The following VPS41 variants were observed in gnomAD, a reference collection of about 807,000 sequenced individuals.
VPS41 encodes vacuolar protein sorting-associated protein 41 homolog.
VPS41 carries 85 observed loss-of-function variants against 130.9 expected under a neutral mutation model. The ratio of observed to expected loss-of-function variants is 0.65; its 90% CI spans 0.55 to 0.78. The LOEUF (loss-of-function observed/expected upper bound fraction) is 0.78. VPS41 is among the 30% of genes least tolerant of loss of function. The probability of loss-of-function intolerance (pLI) is 0.00; values close to 1 mark genes in which losing one functional copy is unlikely to be tolerated. For synonymous variants in VPS41, 335 were observed against 332.9 expected, an observed-to-expected ratio of 1.01 and a Z score of -0.07; for missense variants, 874 against 1,018.7, an observed-to-expected ratio of 0.86 and a Z score of 1.93.
intron 15 of VPS41, among the ~76,000 whole-genome samples, chr7:38,766,007 C>G (rs1166312599): frequency 6.6e-6 from 1 of 152,152 alleles, no homozygotes; most frequent in Non-Finnish European, 1.5e-5. Flanking sequence ...CCTTTCTTGC[C>G]TTGAAGAAAA....
intron 17 of VPS41, among the ~76,000 whole-genome samples, chr7:38,759,437 G>C (rs140499920): frequency 1.3e-5 from 2 of 152,240 alleles, no homozygotes; most frequent in East Asian, 3.9e-4. Flanking sequence ...ATCCCTAAAA[G>C]TATTCACTTT....
intron 9 of VPS41, among the ~76,000 whole-genome samples, chr7:38,795,047 T>C (rs979133944): frequency 6.6e-6 from 1 of 152,186 alleles, no homozygotes; most frequent in African/African-American, 2.4e-5. Context: ...GATGATTTAA[T>C]TTTAACCTTC....
rs935358375 is a variant in VPS41 at position 38,803,233 on chromosome 7, G to A, written c.451-6369C>T. On this transcript the variant is annotated intron_variant, in intron 7 of 28. Transcript: ENST00000310301. ...AAGTCCCCGATTCTGGTCACCTAAC[G>A]CCCATCATTACTTGTCACTCACTCT... Among the ~76,000 whole-genome samples the A allele has an allele frequency of 3.9e-5, 6 of 152,116 alleles. No homozygotes were observed. In the East Asian group the frequency reaches 5.8e-4, roughly 15 times the overall value.
intron 24 of VPS41, among the ~76,000 whole-genome samples, chr7:38,743,118 C>T (rs899810983): frequency 1.3e-5 from 2 of 152,030 alleles, no homozygotes; most frequent in African/African-American, 2.4e-5. Flanking sequence ...GACATTTATT[C>T]AATTTGCTTG....
chr7:38,745,186 A>G (rs1362982564), intron 23 of VPS41, among the ~76,000 whole-genome samples: 9 of 152,176 alleles, frequency 5.9e-5, no homozygotes, highest in Admixed American at 5.9e-4. Context: ...TCCTCTAGTT[A>G]TTTAGGGTGT....
At chr7:38,896,855 T>C (rs1186388956) in intron 2 of VPS41, among the ~76,000 whole-genome samples, 1 of 152,178 alleles carries the variant, frequency 6.6e-6, no homozygotes, top group Admixed American at 6.5e-5. Context: ...AAAGGAAAAA[T>C]GTAATTCTTC....
chr7:38,769,846 A>G (rs1052321608), intron 14 of VPS41, among the ~76,000 whole-genome samples: 4 of 152,150 alleles, frequency 2.6e-5, no homozygotes, highest in Non-Finnish European at 4.4e-5. Context: ...CCCCATCTCC[A>G]TCAGAGAATC....
In VPS41 at chr7:38,796,826, C is replaced by T; in HGVS notation, c.489G>A (p.Lys163=). ...LFERSWMNRW[K]SAVLHEGEGN... ...CTTCCCCTTCATGCAGAACAGCAGA[C>T]TTCCATCTGTTCATCCAAGACCGTT... The change falls in exon 8 of 29, where the codon AAG becomes AAA. Residue 163 remains lysine, a synonymous_variant. Coordinates refer to ENST00000310301, the MANE Select transcript of VPS41 (RefSeq NM_014396.4). 6.2e-7 allele frequency: 1 copy of T among 1,614,026 alleles called. No homozygotes were observed. The highest frequency in any genetic ancestry group is 8.5e-7 in the Non-Finnish European group (1 of 1,179,884).
intron 4 of VPS41, among the ~76,000 whole-genome samples, chr7:38,838,354 T>C (rs1457183728): frequency 1.3e-5 from 2 of 152,160 alleles, no homozygotes; most frequent in Non-Finnish European, 2.9e-5. Context: ...CCTTTTACCA[T>C]AACAGCAATG....
intron 7 of VPS41, among the ~76,000 whole-genome samples, chr7:38,812,208 A>G (rs888560795): frequency 3.3e-5 from 5 of 152,130 alleles, no homozygotes; most frequent in African/African-American, 1.2e-4. Flanking sequence ...AAAGATAGCT[A>G]TATAGATTGG....
At chr7:38,788,578 T>C (rs1394039081) in intron 10 of VPS41, among the ~76,000 whole-genome samples, 1 of 152,210 alleles carries the variant, frequency 6.6e-6, no homozygotes, top group Non-Finnish European at 1.5e-5. Flanking sequence ...GACATTGCAT[T>C]GAGATGTTGA....
At chr7:38,826,337 C>T (rs1049989415) in intron 5 of VPS41, among the ~76,000 whole-genome samples, 6 of 152,180 alleles carry the variant, frequency 3.9e-5, no homozygotes, top group Admixed American at 6.5e-5. Flanking sequence ...CAAACAAAAA[C>T]ATAGCCAAGG....
intron 3 of VPS41, among the ~76,000 whole-genome samples, chr7:38,864,738 C>T (rs1786190910): frequency 6.6e-6 from 1 of 151,508 alleles, no homozygotes; most frequent in African/African-American, 2.4e-5. Flanking sequence ...AAGCCTTGAA[C>T]TTTTGTAATT....
At chr7:38,771,103 GAT>G in intron 14 of VPS41, 93 bp downstream of exon 14, 1 of 894,994 alleles carries the variant, frequency 1.1e-6, no homozygotes, top group Non-Finnish European at 1.7e-6. Context: ...ATTCTCAAAA[GAT>G]AGGAAAAACC....
At chr7:38,851,959 G>A (rs1290964897) in intron 4 of VPS41, among the ~76,000 whole-genome samples, 1 of 152,116 alleles carries the variant, frequency 6.6e-6, no homozygotes, top group Non-Finnish European at 1.5e-5. Flanking sequence ...TTTAATAGCT[G>A]CCCATGGAAA....
At chr7:38,782,454 T>C (rs1256609318) in intron 10 of VPS41, among the ~76,000 whole-genome samples, 1 of 152,222 alleles carries the variant, frequency 6.6e-6, no homozygotes, top group Non-Finnish European at 1.5e-5. Context: ...AGGACTACCT[T>C]TGTCACTAAG....
chr7:38,765,624 A>G lies in VPS41; in HGVS notation c.1285T>C (p.Trp429Arg). The change falls in exon 16 of 29, where the codon TGG (tryptophan) becomes CGG (arginine). Residue 429 changes from tryptophan to arginine, a missense_variant. Transcript: ENST00000310301. ...QKILGKNAAL[W>R]EYEVYKFKEI... is the part of the protein sequence containing the mutation. The stretch of plus-strand genomic sequence containing the variant: ...TTAAATTTATAAACTTCATATTCCC[A>G]GAGTGCTGCATTTTTCCCAAGAATT... 1.2e-6 allele frequency: 2 copies of G among 1,604,564 alleles called. No homozygotes were observed. The highest frequency in any genetic ancestry group is 1.7e-6 in the Non-Finnish European group (2 of 1,177,710).
chr7:38,770,006 A>G (rs375699975), intron 14 of VPS41, among the ~76,000 whole-genome samples: 54 of 152,296 alleles, frequency 3.5e-4, no homozygotes, highest in South Asian at 6.2e-4. Flanking sequence ...GCAGTGGCTC[A>G]TGTCTATAAT....
intron 6 of VPS41, among the ~76,000 whole-genome samples, chr7:38,818,323 G>A (rs1275730648): frequency 6.6e-6 from 1 of 151,666 alleles, no homozygotes. Flanking sequence ...GGCACCAAGT[G>A]GCAACGCAGC....
Sources: gnomAD v4.1 joint callset for allele counts (sites outside exome capture counted in the v4.1 genomes callset) on GRCh38, gnomAD v4.1.1 for gene constraint, MANE v1.5 for transcripts, NCBI Gene and HGNC (gene_info 2026-07-23, HGNC 2026-07-21) for gene names.